The following ABL2 variants were observed in gnomAD, a reference collection of about 807,000 sequenced individuals.
ABL2 encodes the protein tyrosine-protein kinase ABL2.
In ABL2, 49 loss-of-function variants were observed where a neutral mutation model predicts 107.7. That is an observed-to-expected ratio of 0.45 (90% CI 0.36 to 0.58). The LOEUF (loss-of-function observed/expected upper bound fraction) is 0.58. ABL2 is among the 20% of genes least tolerant of loss of function. ABL2 has a pLI of 0.00. For missense variants in ABL2, 1,245 were observed against 1,457.0 expected, an observed-to-expected ratio of 0.85 and a Z score of 2.37; for synonymous variants, 549 against 548.6, an observed-to-expected ratio of 1.00 and a Z score of -0.01.
chr1:179,099,568 T>C lies in ABL2; in HGVS notation c.*8150A>G, dbSNP rs898443068. ...ACAACACTGGTAATGTGACACACAA[T>C]TGATGTGTTTTTAGTTAAATCCCAC... On this transcript the variant is annotated 3_prime_UTR_variant, in exon 12 of 12. Transcript: ENST00000502732. The C allele has an allele frequency of 3.9e-5, 9 of 228,938 alleles. No individual in the cohort carries two copies. The highest frequency in any genetic ancestry group is 6.9e-5 in the Non-Finnish European group (8 of 115,482). 14.2% of individuals were successfully genotyped at this position (228,938 alleles called of 1,614,324 possible). A position where few individuals can be genotyped will look rare whatever the true frequency, so the allele number is the denominator to read the frequency against.
At chr1:179,163,504 T>C (rs1659200291) in intron 1 of ABL2, among the ~76,000 whole-genome samples, 1 of 152,120 alleles carries the variant, frequency 6.6e-6, no homozygotes, top group Admixed American at 6.5e-5. Context: ...CCCAGCACTT[T>C]GGGAGGATGA....
chr1:179,145,997 G>A (rs1344709789), intron 1 of ABL2, among the ~76,000 whole-genome samples: 4 of 151,512 alleles, frequency 2.6e-5, no homozygotes, highest in Non-Finnish European at 4.4e-5. Flanking sequence ...AGGTTCAAGC[G>A]ATTCTCCTGC....
chr1:179,187,506 G>A (rs953772950), intron 1 of ABL2, among the ~76,000 whole-genome samples: 1 of 151,896 alleles, frequency 6.6e-6, no homozygotes, highest in South Asian at 2.1e-4. Flanking sequence ...TTTTTTGGAA[G>A]GCCTAAGAAA....
intron 1 of ABL2, among the ~76,000 whole-genome samples, chr1:179,223,608 C>G (rs1663005085): frequency 6.6e-6 from 1 of 151,788 alleles, no homozygotes; most frequent in African/African-American, 2.4e-5. Flanking sequence ...ATAACTTACA[C>G]AGATTTGGAG....
intron 1 of ABL2, among the ~76,000 whole-genome samples, chr1:179,213,451 G>A (rs1447266060): frequency 6.6e-6 from 1 of 151,934 alleles, no homozygotes; most frequent in Non-Finnish European, 1.5e-5. Context: ...TTACAGGCAT[G>A]AGCCACCGTG....
chr1:179,126,393 G>A lies in ABL2; in HGVS notation c.671C>T (p.Thr224Ile). The change falls in exon 4 of 12, where the codon ACC (threonine) becomes ATC (isoleucine). Residue 224 changes from threonine to isoleucine, a missense_variant. Around this residue, in one of 3 missense-constraint regions of ABL2, gnomAD observed 320 missense variants for 547.0 expected, o/e 0.59. Transcript: ENST00000502732. This position sits in a 1 kb window ranked among gnomAD's most constrained non-coding sequence, Gnocchi z 4.4. ...GAGTCTTACCTTGCCATCTGCAGTG[G>A]TATTGATCCTGTAGTGATACACACG... ...EGRVYHYRIN[T>I]TADGKVYVTA... is the part of the protein sequence containing the mutation. The A allele has an allele frequency of 6.2e-7, 1 of 1,613,962 alleles. No homozygotes were observed. Among genetic ancestry groups the A allele is most frequent in the South Asian group, 1.1e-5 (1 of 91,078 alleles).
At position 179,144,352 on chromosome 1, in the gene ABL2, C is replaced by T. The variant is rs181857080; in HGVS notation, c.158-10978G>A. ...GCGGGCGCCTGTAGTCCCAGCTACT[C>T]GGGAGGCTGAGGCAGGAGAAAGGCA... On this transcript the variant is annotated intron_variant, in intron 1 of 11. Transcript: ENST00000502732. Among the ~76,000 whole-genome samples, 86 of 151,892 alleles carry T rather than the reference C, an allele frequency of 5.7e-4. 1 individual carries two copies. The East Asian group carries it at 8.4e-3, about 15-fold the overall frequency.
At position 179,134,716 on chromosome 1, in the gene ABL2, C is replaced by G. The variant is rs537222768; in HGVS notation, c.158-1342G>C. Among the ~76,000 whole-genome samples the G allele has an allele frequency of 1.5e-4, 9 of 59,546 alleles. No individual in the cohort carries two copies. In the South Asian group the frequency reaches 4.0e-3, roughly 27 times the overall value. 39.1% of individuals were successfully genotyped at this position (59,546 alleles called of 152,430 possible). A position where few individuals can be genotyped will look rare whatever the true frequency, so the allele number is the denominator to read the frequency against. ...GGTGAAAATTGCAGCCTCAGCCTCTCCCTCTCCCTCTCCCTCTCCACGGTC... is the reference window on the plus strand; with the variant it reads ...GGTGAAAATTGCAGCCTCAGCCTCTGCCTCTCCCTCTCCCTCTCCACGGTC... On this transcript the variant is annotated intron_variant, in intron 1 of 11. Coordinates refer to ENST00000502732, the MANE Select transcript of ABL2 (RefSeq NM_007314.4).
chr1:179,155,457 C>T (rs541493283), intron 1 of ABL2, among the ~76,000 whole-genome samples: 1 of 152,040 alleles, frequency 6.6e-6, no homozygotes, highest in African/African-American at 2.4e-5. Flanking sequence ...CGGCCAGGCG[C>T]GGTGGCTCAC....
chr1:179,146,509 T>C (rs1202516285), intron 1 of ABL2, among the ~76,000 whole-genome samples: 3 of 152,154 alleles, frequency 2.0e-5, no homozygotes, highest in Non-Finnish European at 4.4e-5. Context: ...TGTGCATATA[T>C]ATAATGAGAT....
Position 179,108,799 on chromosome 1 carries a change from T to G in ABL2, c.2468A>C (p.Glu823Ala). 1 of 1,614,196 alleles carries G rather than the reference T, an allele frequency of 6.2e-7. No individual in the cohort carries two copies. The change falls in exon 12 of 12, where the codon GAA becomes GCA. Residue 823 changes from glutamate (E) to alanine (A), a missense_variant. Glu to Ala is a moderately radical substitution (Grantham distance 107). Around this residue, in one of 3 missense-constraint regions of ABL2, gnomAD observed 761 missense variants for 766.4 expected, o/e 0.99. Transcript: ENST00000502732. ...GTCATTGGCCCTGTCCACATTCTCT[T>G]CTGGCTGAGAAGAGGTGGACACTGT... ...ERTVSTSSQPEENVDRANDML... is the reference protein window; with the variant it reads ...ERTVSTSSQPAENVDRANDML...
At chr1:179,111,281 C>CTTTTTTTT (rs748453531) in intron 10 of ABL2, among the ~76,000 whole-genome samples, 1 of 82,272 alleles carries the variant, frequency 1.2e-5, no homozygotes, top group African/African-American at 5.3e-5. Flanking sequence ...AGTGCTCAGT[C>CTTTTTTTT]TTTTTTTTTT....
chr1:179,194,737 G>A (rs1300314142), intron 1 of ABL2, among the ~76,000 whole-genome samples: 1 of 152,106 alleles, frequency 6.6e-6, no homozygotes, highest in Non-Finnish European at 1.5e-5. Flanking sequence ...GTTTTAAGCT[G>A]CTAAATTTGG....
At chr1:179,136,714 A>C (rs11584312) in intron 1 of ABL2, among the ~76,000 whole-genome samples, 12,577 of 129,412 alleles carry the variant, frequency 0.097, 559 homozygotes, top group African/African-American at 0.14. Flanking sequence ...AATAAAAAAT[A>C]AATAAATAAA....
Position 179,141,092 on chromosome 1 carries a change from G to A in ABL2, c.158-7718C>T, listed in dbSNP as rs182659317. Among the ~76,000 whole-genome samples the A allele has an allele frequency of 2.5e-3, 380 of 149,644 alleles. 4 individuals are homozygous for A. Among genetic ancestry groups the A allele is most frequent in the African/African-American group, 9.0e-3 (364 of 40,478 alleles). ...GATCAGACTGCTGCACTCCAACTTG[G>A]GTGACAAAGCAAGACTCTGTCTCAA... On this transcript the variant is annotated intron_variant, in intron 1 of 11. Transcript: ENST00000502732.
chr1:179,113,990 C>G (rs1654363621), intron 9 of ABL2, among the ~76,000 whole-genome samples: 1 of 151,852 alleles, frequency 6.6e-6, no homozygotes, highest in Non-Finnish European at 1.5e-5. Flanking sequence ...CGTGGTGGCT[C>G]ATGCCTGTAA....
intron 1 of ABL2, among the ~76,000 whole-genome samples, chr1:179,168,192 G>T (rs941961411): frequency 6.6e-6 from 1 of 152,116 alleles, no homozygotes; most frequent in Admixed American, 6.5e-5. Flanking sequence ...CATTACAGTT[G>T]TCCCACGGTT....
intron 1 of ABL2, among the ~76,000 whole-genome samples, chr1:179,168,680 C>T (rs187528772): frequency 2.2e-4 from 34 of 152,274 alleles, no homozygotes; most frequent in Admixed American, 2.0e-3. Flanking sequence ...ATGGACTCAC[C>T]ACCTGCTTGT....
rs1470390186 is a variant in ABL2 at position 179,147,905 on chromosome 1, G to C, written c.158-14531C>G. Among the ~76,000 whole-genome samples the C allele has an allele frequency of 2.6e-5, 4 of 152,132 alleles. No homozygotes were observed. The East Asian group carries it at 7.7e-4, about 29-fold the overall frequency. On this transcript the variant is annotated intron_variant, in intron 1 of 11. Transcript: ENST00000502732. Reference sequence around the variant, plus strand: ...TGCAAGATTAACTCTCTTTAGGTTAGTCAATAATAGTATAAGTACATGTTG... The same window carrying C: ...TGCAAGATTAACTCTCTTTAGGTTACTCAATAATAGTATAAGTACATGTTG...
Sources: allele counts gnomAD v4.1 joint callset (sites outside exome capture counted in the v4.1 genomes callset), GRCh38; gene constraint gnomAD v4.1.1; regional missense constraint gnomAD v4.1.1; non-coding constraint Gnocchi (gnomAD v3.1); transcripts MANE v1.5; gene names NCBI Gene and HGNC (gene_info 2026-07-23, HGNC 2026-07-21).